Variants in RPS6KA5 observed in about 807,000 individuals in gnomAD.
RPS6KA5 encodes ribosomal protein S6 kinase alpha-5.
A neutral mutation model predicts 85.5 loss-of-function variants in RPS6KA5; 27 were observed. The ratio of observed to expected loss-of-function variants is 0.32; its 90% CI spans 0.23 to 0.44. The LOEUF (loss-of-function observed/expected upper bound fraction) is 0.44, where lower values mean the gene tolerates loss of function less well. Ranked by LOEUF, RPS6KA5 falls within the 20% of genes least tolerant of loss-of-function variation. RPS6KA5 has a pLI of 1.00. For synonymous variants in RPS6KA5, 334 were observed against 348.2 expected (o/e 0.96, Z 0.46); for missense variants, 811 against 980.9 (o/e 0.83, Z 2.31).
intron 1 of RPS6KA5, among the ~76,000 whole-genome samples, chr14:91,054,315 A>C (rs1410998824): frequency 1.3e-5 from 2 of 152,184 alleles, no homozygotes; most frequent in African/African-American, 4.8e-5. Context: ...TAAAATGAAA[A>C]AGAAAAAAAA....
At chr14:90,994,534 T>TAGTG (rs1337553817) in intron 2 of RPS6KA5, among the ~76,000 whole-genome samples, 1 of 151,306 alleles carries the variant, frequency 6.6e-6, no homozygotes, top group African/African-American at 2.4e-5. Flanking sequence ...CTTTCACTCA[T>TAGTG]AGTGCTTTGC....
chr14:91,000,138 G>A (rs1332321135), intron 2 of RPS6KA5, among the ~76,000 whole-genome samples: 4 of 151,950 alleles, frequency 2.6e-5, no homozygotes, highest in Admixed American at 6.5e-5. Context: ...AAATATACAC[G>A]CAGATATTTT....
chr14:91,004,013 G>A (rs538201600), intron 1 of RPS6KA5, among the ~76,000 whole-genome samples: 1 of 152,308 alleles, frequency 6.6e-6, no homozygotes, highest in East Asian at 1.9e-4. Context: ...GTTTCAGTTT[G>A]GGGTACAGAA....
intron 5 of RPS6KA5, among the ~76,000 whole-genome samples, chr14:90,942,680 G>T (rs192709960): frequency 5.6e-4 from 85 of 152,244 alleles, no homozygotes; most frequent in Non-Finnish European, 1.1e-3. Context: ...GGCCTTCATA[G>T]CATGTCCTAC....
intron 2 of RPS6KA5, among the ~76,000 whole-genome samples, chr14:90,986,598 T>C (rs925301894): frequency 6.6e-6 from 1 of 152,220 alleles, no homozygotes; most frequent in Non-Finnish European, 1.5e-5. Context: ...CCACCTGTAG[T>C]GGGTGCTGAT....
In RPS6KA5 at chr14:90,872,306, T is replaced by C. The variant is rs1231397516; in HGVS notation, c.2177A>G (p.Lys726Arg). Residue 726 changes from lysine to arginine, a missense_variant, in exon 17 of 17, where the codon AAG becomes AGG. Physicochemically the swap from Lys to Arg is conservative, Grantham distance 26. Coordinates refer to ENST00000614987, the MANE Select transcript of RPS6KA5 (RefSeq NM_004755.4). The stretch of plus-strand genomic sequence containing the variant: ...ATTCTGAAGGCAAAACCCCTCTCTC[T>C]TGTATTTGTTAAAGGCCTGGCGGGG... ...KATFHAFNKY[K>R]REGFCLQNVD... 6.2e-7 allele frequency: 1 copy of C among 1,611,538 alleles called. No individual in the cohort carries two copies. Among genetic ancestry groups the C allele is most frequent in the African/African-American group, 1.3e-5 (1 of 74,502 alleles).
At chr14:90,953,795 C>G (rs1222229048) in intron 3 of RPS6KA5, among the ~76,000 whole-genome samples, 2 of 152,152 alleles carry the variant, frequency 1.3e-5, no homozygotes, top group African/African-American at 4.8e-5. Flanking sequence ...GGAAACTCCA[C>G]CCTGGTAAAT....
rs962344348 is a variant in RPS6KA5, at chr14:90,998,444, C to T, written c.175+2644G>A. ...AGATAAAAACATGCAGATAAAACAG[C>T]TATTATAAAAACAATCTATAATATA... On this transcript the variant is annotated intron_variant, in intron 2 of 16. Transcript: ENST00000614987. 8.5e-5 allele frequency among the ~76,000 whole-genome samples: 13 copies of T among 152,244 alleles called. No homozygotes were observed. The South Asian group carries it at 2.5e-3, about 29-fold the overall frequency.
intron 7 of RPS6KA5, among the ~76,000 whole-genome samples, chr14:90,918,205 C>G (rs1291046996): frequency 6.6e-6 from 1 of 152,138 alleles, no homozygotes; most frequent in Non-Finnish European, 1.5e-5. Flanking sequence ...TATTATCAGT[C>G]TCTTTATTTT....
intron 1 of RPS6KA5, among the ~76,000 whole-genome samples, chr14:91,051,555 C>T (rs542156266): frequency 3.3e-5 from 5 of 152,168 alleles, no homozygotes; most frequent in South Asian, 4.2e-4. Context: ...ATGGTGCGAT[C>T]GCAGCTCACT....
chr14:90,955,409 C>T (rs922027952), intron 3 of RPS6KA5, among the ~76,000 whole-genome samples: 2 of 152,102 alleles, frequency 1.3e-5, no homozygotes, highest in Non-Finnish European at 2.9e-5. Context: ...TGTGTGCCAC[C>T]ATGCCTGGCT....
intron 8 of RPS6KA5, among the ~76,000 whole-genome samples, chr14:90,905,232 AAAT>A (rs1307294647): frequency 5.3e-5 from 8 of 152,176 alleles, no homozygotes; most frequent in East Asian, 3.8e-4. Context: ...TATATTTAAA[AAAT>A]AATAACAACA....
chr14:90,964,067 A>G (rs767988333), intron 3 of RPS6KA5, among the ~76,000 whole-genome samples: 1 of 152,196 alleles, frequency 6.6e-6, no homozygotes, highest in Non-Finnish European at 1.5e-5. Context: ...TAGGAAGACT[A>G]ATCAAATATT....
rs548690924 is a variant in RPS6KA5, at chr14:90,866,486, T to C, written c.*5588A>G. 2.0e-5 allele frequency: 3 copies of C among 152,318 alleles called. No homozygotes were observed. The highest frequency in any genetic ancestry group is 7.2e-5 in the African/African-American group (3 of 41,566). The allele number at this position is 152,318 out of a possible 1,614,324, so 9.4% of individuals were successfully genotyped here. A position where few individuals can be genotyped will look rare whatever the true frequency, so the allele number is the denominator to read the frequency against. On this transcript the variant is annotated 3_prime_UTR_variant, in exon 17 of 17. Transcript: ENST00000614987. ...CTGTCTCACACAAAGGCAACTCATT[T>C]GAGCTGAGGCTTGGCTATACTTTTA...
At chr14:90,906,586 C>T (rs192683070) in intron 7 of RPS6KA5, among the ~76,000 whole-genome samples, 150 of 152,066 alleles carry the variant, frequency 9.9e-4, no homozygotes, top group African/African-American at 3.6e-3. Flanking sequence ...GGGGGAAAAA[C>T]GGAAAAGCCT....
intron 2 of RPS6KA5, among the ~76,000 whole-genome samples, chr14:90,982,525 C>T (rs1478041171): frequency 2.0e-5 from 3 of 152,214 alleles, no homozygotes; most frequent in Admixed American, 2.0e-4. Flanking sequence ...CTTAAAGAAA[C>T]TACCTTCATG....
At chr14:90,993,427 A>G (rs943748235) in intron 2 of RPS6KA5, among the ~76,000 whole-genome samples, 11 of 151,978 alleles carry the variant, frequency 7.2e-5, no homozygotes, top group African/African-American at 2.4e-5. Flanking sequence ...GTGACAGAGC[A>G]AGACTCCGTC....
At chr14:90,988,176 C>T (rs1327630316) in intron 2 of RPS6KA5, among the ~76,000 whole-genome samples, 2 of 152,184 alleles carry the variant, frequency 1.3e-5, no homozygotes, top group African/African-American at 4.8e-5. Flanking sequence ...GGCCTGAAAC[C>T]AGGAAGACCT....
chr14:90,928,866 C>T (rs985372971), intron 5 of RPS6KA5, among the ~76,000 whole-genome samples: 1 of 151,768 alleles, frequency 6.6e-6, no homozygotes. Flanking sequence ...GCTAGGACAA[C>T]CTTGATACTA....
Sources: gnomAD v4.1 joint callset for allele counts (sites outside exome capture counted in the v4.1 genomes callset) on GRCh38, gnomAD v4.1.1 for gene constraint, MANE v1.5 for transcripts, NCBI Gene and HGNC (gene_info 2026-07-23, HGNC 2026-07-21) for gene names.